Variants in CEP128 observed in about 807,000 individuals in gnomAD.
CEP128 encodes centrosomal protein 128.
Under a neutral mutation model 156.7 loss-of-function variants are expected in CEP128, and 132 were observed. The ratio of observed to expected loss-of-function variants is 0.84; its 90% CI spans 0.73 to 0.97. The LOEUF (loss-of-function observed/expected upper bound fraction) is 0.97, where lower values mean the gene tolerates loss of function less well. Ranked by LOEUF, CEP128 falls within the 50% of genes least tolerant of loss-of-function variation. CEP128 has a pLI of 0.00. For missense variants in CEP128, 1,252 were observed against 1,281.9 expected (o/e 0.98, Z 0.36); for synonymous variants, 469 against 448.9 (o/e 1.04, Z -0.57).
intron 23 of CEP128, among the ~76,000 whole-genome samples, chr14:80,509,415 G>T (rs771771472): frequency 6.6e-6 from 1 of 152,138 alleles, no homozygotes. Context: ...TCCTACACCT[G>T]TTTGCCATTT....
intron 15 of CEP128, among the ~76,000 whole-genome samples, chr14:80,778,591 A>T (rs545193156): frequency 9.8e-5 from 15 of 152,356 alleles, no homozygotes; most frequent in Non-Finnish European, 1.9e-4. Context: ...GGCTAAAAAA[A>T]TTATGAAGTA....
At chr14:80,888,005 A>G (rs553006547) in intron 8 of CEP128, among the ~76,000 whole-genome samples, 4 of 152,324 alleles carry the variant, frequency 2.6e-5, no homozygotes, top group East Asian at 3.9e-4. Flanking sequence ...AAATACCTCT[A>G]TGTAAATATA....
At chr14:80,588,632 C>T (rs1406347870) in intron 19 of CEP128, among the ~76,000 whole-genome samples, 2 of 152,028 alleles carry the variant, frequency 1.3e-5, no homozygotes, top group Admixed American at 1.3e-4. Flanking sequence ...AGTCCAAGTT[C>T]AGACATATGG....
In CEP128 at chr14:80,761,429, A is replaced by C; in HGVS notation, c.2553+8T>G. 1.3e-6 allele frequency: 2 copies of C among 1,576,306 alleles called. No homozygotes were observed. The highest frequency in any genetic ancestry group is 1.7e-6 in the Non-Finnish European group (2 of 1,154,706). On this transcript the variant is annotated splice_region_variant and intron_variant, in intron 17 of 24. Transcript: ENST00000555265. ...AAAATATAAGGTGCAATGAGAATTCATAATTACTTTTAATTTCTCCACTGA... is the reference window on the plus strand; with the variant it reads ...AAAATATAAGGTGCAATGAGAATTCCTAATTACTTTTAATTTCTCCACTGA...
At chr14:80,727,092 A>G (rs1898048846) in intron 19 of CEP128, among the ~76,000 whole-genome samples, 1 of 152,204 alleles carries the variant, frequency 6.6e-6, no homozygotes, top group African/African-American at 2.4e-5. Context: ...AGACAAGTAC[A>G]ATACCGCTGT....
At chr14:80,552,069 T>C (rs1459874408) in intron 21 of CEP128, among the ~76,000 whole-genome samples, 1 of 151,286 alleles carries the variant, frequency 6.6e-6, no homozygotes, top group Non-Finnish European at 1.5e-5. Context: ...TGGGAGAGAG[T>C]CAATTATGAA....
intron 18 of CEP128, among the ~76,000 whole-genome samples, chr14:80,748,160 T>C (rs1358289214): frequency 6.6e-6 from 1 of 152,188 alleles, no homozygotes; most frequent in Non-Finnish European, 1.5e-5. Flanking sequence ...TGGATGTCAC[T>C]GGCTAAATGT....
intron 23 of CEP128, among the ~76,000 whole-genome samples, chr14:80,523,576 A>G (rs1215649158): frequency 6.6e-6 from 1 of 152,202 alleles, no homozygotes; most frequent in Non-Finnish European, 1.5e-5. Context: ...TGCTGTGTTT[A>G]GAAAAACAAC....
At chr14:80,556,937 G>A (rs547553639) in intron 21 of CEP128, among the ~76,000 whole-genome samples, 1 of 152,132 alleles carries the variant, frequency 6.6e-6, no homozygotes, top group Non-Finnish European at 1.5e-5. Context: ...CCCTTAAAAT[G>A]TCATATGAAA....
At chr14:80,922,743 T>C (rs1447111816) in intron 2 of CEP128, among the ~76,000 whole-genome samples, 2 of 152,134 alleles carry the variant, frequency 1.3e-5, no homozygotes, top group African/African-American at 4.8e-5. Flanking sequence ...TTCAATTAGA[T>C]AAGAAATTTA....
intron 19 of CEP128, among the ~76,000 whole-genome samples, chr14:80,652,648 C>G (rs538870863): frequency 5.9e-5 from 9 of 152,288 alleles, no homozygotes; most frequent in African/African-American, 2.2e-4. Flanking sequence ...GATACCATCT[C>G]ACACCAGGTA....
intron 19 of CEP128, among the ~76,000 whole-genome samples, chr14:80,635,937 A>G (rs1894164030): frequency 6.6e-6 from 1 of 152,222 alleles, no homozygotes; most frequent in African/African-American, 2.4e-5. Context: ...TAAGGTGTAT[A>G]TGAAACATAA....
chr14:80,733,899 A>C (rs1898398442), intron 19 of CEP128, among the ~76,000 whole-genome samples: 1 of 152,202 alleles, frequency 6.6e-6, no homozygotes, highest in Non-Finnish European at 1.5e-5. Flanking sequence ...GGCATCTGAA[A>C]ATTCAGTCTG....
intron 18 of CEP128, among the ~76,000 whole-genome samples, chr14:80,745,098 G>C (rs2139607443): frequency 6.6e-6 from 1 of 152,316 alleles, no homozygotes; most frequent in South Asian, 2.1e-4. Context: ...GAGGGACCCA[G>C]TGGGAGGTGA....
chr14:80,532,173 T>C (rs1056136895), intron 21 of CEP128, among the ~76,000 whole-genome samples: 1 of 151,842 alleles, frequency 6.6e-6, no homozygotes, highest in Non-Finnish European at 1.5e-5. Flanking sequence ...GAATGGGGAA[T>C]CTCTCAATTA....
rs1192618622 is a variant in CEP128, at chr14:80,838,294, A to C, written c.850-16T>G. ...CCTGTTCAAGCTAGAGTTTCAACAAAGGATAAAGAAAAATGCCCAATGGAG... is the reference window on the plus strand; with the variant it reads ...CCTGTTCAAGCTAGAGTTTCAACAACGGATAAAGAAAAATGCCCAATGGAG... On this transcript the variant is annotated splice_polypyrimidine_tract_variant and intron_variant, in intron 10 of 24. Coordinates refer to ENST00000555265, the MANE Select transcript of CEP128 (RefSeq NM_152446.5). The C allele has an allele frequency of 6.3e-7, 1 of 1,599,454 alleles. No homozygotes were observed. Among genetic ancestry groups the C allele is most frequent in the Non-Finnish European group, 8.6e-7 (1 of 1,168,280 alleles).
upstream of CEP128, chr14:80,945,866 A>C (rs1273649567): frequency 6.6e-6 from 1 of 152,214 alleles, no homozygotes; most frequent in African/African-American, 2.4e-5. Flanking sequence ...GTTCCTGACA[A>C]CTTCCAAGTT....
intron 16 of CEP128, among the ~76,000 whole-genome samples, 167 bp downstream of exon 16, chr14:80,777,715 G>C (rs1433920592): frequency 1.3e-5 from 2 of 152,128 alleles, no homozygotes; most frequent in African/African-American, 4.8e-5. Flanking sequence ...ATGGGTGGTT[G>C]AAAGAATAAA....
At chr14:80,532,781 A>T (rs752507625) in intron 21 of CEP128, among the ~76,000 whole-genome samples, 1 of 152,180 alleles carries the variant, frequency 6.6e-6, no homozygotes, top group Non-Finnish European at 1.5e-5. Flanking sequence ...ATGGAGTTAC[A>T]GATGTCTTCT....
Sources: allele counts gnomAD v4.1 joint callset (sites outside exome capture counted in the v4.1 genomes callset), GRCh38; gene constraint gnomAD v4.1.1; transcripts MANE v1.5; gene names NCBI Gene and HGNC (gene_info 2026-07-23, HGNC 2026-07-21).